The following SLC26A7 variants were observed in gnomAD, a reference collection of about 807,000 sequenced individuals.
SLC26A7 encodes solute carrier family 26 member 7.
Under a neutral mutation model 82.5 loss-of-function variants are expected in SLC26A7, and 59 were observed. The observed-to-expected ratio is 0.72, with a 90% CI of 0.58 to 0.89. The LOEUF (loss-of-function observed/expected upper bound fraction) is 0.89. SLC26A7 is among the 40% of genes least tolerant of loss of function. The pLI, the probability that SLC26A7 is intolerant of heterozygous loss-of-function variation, is 0.00. For synonymous variants in SLC26A7, 271 were observed against 274.3 expected (o/e 0.99, Z 0.12); for missense variants, 820 against 793.0 (o/e 1.03, Z -0.41).
chr8:91,252,123 C>T (rs1167281800), intron 2 of SLC26A7, among the ~76,000 whole-genome samples: 2 of 152,096 alleles, frequency 1.3e-5, no homozygotes, highest in African/African-American at 4.8e-5. Flanking sequence ...ACAATAGGCT[C>T]AAGCACCTTT....
intron 2 of SLC26A7, among the ~76,000 whole-genome samples, chr8:91,262,629 A>G (rs1811000366): frequency 6.6e-6 from 1 of 151,730 alleles, no homozygotes; most frequent in Non-Finnish European, 1.5e-5. Flanking sequence ...CTTGTGGACT[A>G]TTGTAGGCCC....
At chr8:91,267,743 C>A (rs1057166344) in intron 2 of SLC26A7, among the ~76,000 whole-genome samples, 2 of 151,482 alleles carry the variant, frequency 1.3e-5, no homozygotes, top group African/African-American at 4.8e-5. Context: ...TTTAAAAAAT[C>A]TATTTTAAAA....
intron 2 of SLC26A7, among the ~76,000 whole-genome samples, chr8:91,270,865 G>A (rs1811249084): frequency 6.6e-6 from 1 of 152,174 alleles, no homozygotes; most frequent in Non-Finnish European, 1.5e-5. Context: ...AAATAGGACT[G>A]TATTACTGGT....
intron 2 of SLC26A7, among the ~76,000 whole-genome samples, chr8:91,270,470 C>A (rs1811239077): frequency 6.6e-6 from 1 of 152,168 alleles, no homozygotes; most frequent in African/African-American, 2.4e-5. Flanking sequence ...TAAAGGAGCA[C>A]CAGCACTTAA....
chr8:91,225,334 T>C (rs1274290386), intron 2 of SLC26A7, among the ~76,000 whole-genome samples: 1 of 152,176 alleles, frequency 6.6e-6, no homozygotes, highest in Non-Finnish European at 1.5e-5. Context: ...ATCTGTGGGT[T>C]GCACAGTTCC....
At chr8:91,384,787 GAA>G (rs2130899300) in intron 15 of SLC26A7, among the ~76,000 whole-genome samples, 4 of 152,238 alleles carry the variant, frequency 2.6e-5, no homozygotes, top group African/African-American at 9.6e-5. Flanking sequence ...AGGAAGGAAG[GAA>G]GGAAGGAAAG....
At chr8:91,228,326 C>G (rs4501551) in intron 2 of SLC26A7, among the ~76,000 whole-genome samples, 78,219 of 152,044 alleles carry the variant, frequency 0.51, 20,868 homozygotes, top group South Asian at 0.66. Context: ...AAAGAGCAAG[C>G]CTGCTTTAGA....
At chr8:91,321,498 C>CT (rs921122622) in intron 5 of SLC26A7, among the ~76,000 whole-genome samples, 12 of 152,176 alleles carry the variant, frequency 7.9e-5, no homozygotes, top group African/African-American at 2.7e-4. Flanking sequence ...ATTACTAAGG[C>CT]TTTCCCCTAG....
At chr8:91,281,884 C>A (rs1811583908) in intron 2 of SLC26A7, among the ~76,000 whole-genome samples, 1 of 152,084 alleles carries the variant, frequency 6.6e-6, no homozygotes, top group South Asian at 2.1e-4. Context: ...ACCTTTTCAG[C>A]TGTTTATTGA....
chr8:91,276,368 G>GCATT lies in SLC26A7; in HGVS notation c.194-12763_194-12760dup, dbSNP rs1811406673. Among the ~76,000 whole-genome samples, 9 of 151,944 alleles carry GCATT rather than the reference G, an allele frequency of 5.9e-5. No homozygotes were observed. The South Asian group carries it at 1.9e-3, about 31-fold the overall frequency. On this transcript the variant is annotated intron_variant, in intron 2 of 18. Transcript: ENST00000276609. ...ATTATTTTATTATTACTATTATCTTGCATTCATTTGACATTTTTTTACTTT... is the reference window on the plus strand; with the variant it reads ...ATTATTTTATTATTACTATTATCTTGCATTCATTCATTTGACATTTTTTTACTTT...
chr8:91,388,146 T>A (rs1814848408), intron 15 of SLC26A7, among the ~76,000 whole-genome samples: 1 of 152,258 alleles, frequency 6.6e-6, no homozygotes, highest in African/African-American at 2.4e-5. Flanking sequence ...TTTGTTTTTT[T>A]TAGAGACGGA....
chr8:91,295,221 G>T (rs533180036), intron 3 of SLC26A7, among the ~76,000 whole-genome samples: 1 of 152,178 alleles, frequency 6.6e-6, no homozygotes, highest in South Asian at 2.1e-4. Flanking sequence ...AATCCAGGCC[G>T]TAATCTTATT....
chr8:91,292,817 A>G (rs1811910064), intron 3 of SLC26A7, among the ~76,000 whole-genome samples: 1 of 152,124 alleles, frequency 6.6e-6, no homozygotes, highest in Admixed American at 6.5e-5. Context: ...ACACAACAGT[A>G]AAAAACCTGG....
intron 2 of SLC26A7, among the ~76,000 whole-genome samples, chr8:91,252,924 AG>A (rs1480151575): frequency 6.6e-6 from 1 of 151,948 alleles, no homozygotes; most frequent in East Asian, 1.9e-4. Context: ...TATGTATTGG[AG>A]GTAGCATTGA....
chr8:91,344,181 A>G, intron 9 of SLC26A7: 1 of 985,416 alleles, frequency 1.0e-6, no homozygotes, highest in South Asian at 4.7e-5. Flanking sequence ...TAAACCTTTG[A>G]TGATCTAGGC....
chr8:91,271,590 C>CTTTTT (rs67904308), intron 2 of SLC26A7, among the ~76,000 whole-genome samples: 14 of 113,718 alleles, frequency 1.2e-4, no homozygotes, highest in African/African-American at 1.7e-4. Flanking sequence ...CTAGAGAAAT[C>CTTTTT]TTTTTTTTTT....
intron 2 of SLC26A7, among the ~76,000 whole-genome samples, chr8:91,279,125 G>GTGTGTGTGTATA (rs1382744780): frequency 3.3e-4 from 37 of 111,256 alleles, no homozygotes; most frequent in African/African-American, 1.3e-3. Flanking sequence ...GTGTGTGTGT[G>GTGTGTGTGTATA]TATATATATA....
chr8:91,357,553 C>A (rs1900808), intron 11 of SLC26A7, among the ~76,000 whole-genome samples: 16,730 of 152,080 alleles, frequency 0.11, 1,114 homozygotes, highest in African/African-American at 0.18. Context: ...AACTGGCTAG[C>A]CATAGGTAGA....
chr8:91,366,836 G>T (rs887848733), intron 14 of SLC26A7, 119 bp downstream of exon 14: 2 of 1,122,228 alleles, frequency 1.8e-6, no homozygotes, highest in South Asian at 1.7e-5. Context: ...TCTCCCTTCA[G>T]CAAAACCTAT....
Sources: gnomAD v4.1 joint callset for allele counts (sites outside exome capture counted in the v4.1 genomes callset) on GRCh38, gnomAD v4.1.1 for gene constraint, MANE v1.5 for transcripts, NCBI Gene and HGNC (gene_info 2026-07-23, HGNC 2026-07-21) for gene names.